Variants in TPX2 observed in about 807,000 individuals in gnomAD.
TPX2 encodes the protein TPX2 microtubule nucleation factor.
A neutral mutation model predicts 93.6 loss-of-function variants in TPX2; 21 were observed. That is an observed-to-expected ratio of 0.22 (90% CI 0.16 to 0.32). The LOEUF is 0.32. TPX2 is among the 10% of genes least tolerant of loss of function. TPX2 has a pLI of 1.00. For missense variants in TPX2, 776 were observed against 871.1 expected (o/e 0.89, Z 1.37); for synonymous variants, 281 against 298.3 (o/e 0.94, Z 0.60).
chr20:31,742,704 A>G (rs1195505833), intron 2 of TPX2, 57 bp downstream of exon 2: 1 of 152,254 alleles, frequency 6.6e-6, no homozygotes, highest in African/African-American at 2.4e-5. Context: ...ATAAGTGTTT[A>G]AATGACTAAT....
rs1032820048 is a variant in TPX2, at chr20:31,742,548, A to G, written c.-170A>G. 1 of 152,206 alleles carries G rather than the reference A, an allele frequency of 6.6e-6. No individual in the cohort carries two copies. The highest frequency in any genetic ancestry group is 1.5e-5 in the Non-Finnish European group (1 of 68,038). The allele number at this position is 152,206 out of a possible 1,614,324, so 9.4% of individuals were successfully genotyped here. ...CTTTTCTGCTTCTTCCAGGTTCTTG[A>G]TACATATTTGCCAGACTTCAAGATT... On this transcript the variant is annotated 5_prime_UTR_variant, in exon 2 of 18. Transcript: ENST00000300403.
intron 7 of TPX2, 117 bp from the exon 8 acceptor site, chr20:31,775,750 G>T: frequency 9.9e-7 from 1 of 1,013,284 alleles, no homozygotes; most frequent in Non-Finnish European, 1.3e-6. Context: ...GATATTTTTT[G>T]GTTTTGATGA....
intron 5 of TPX2, among the ~76,000 whole-genome samples, chr20:31,766,940 T>A (rs1383540996): frequency 1.3e-5 from 2 of 151,922 alleles, no homozygotes; most frequent in African/African-American, 4.8e-5. Flanking sequence ...TAGCTGGGAT[T>A]ATAGGCACCT....
At chr20:31,776,971 C>T (rs762363087) in intron 8 of TPX2, among the ~76,000 whole-genome samples, 11 of 152,146 alleles carry the variant, frequency 7.2e-5, no homozygotes, top group Non-Finnish European at 1.5e-4. Flanking sequence ...CAGTCAAATC[C>T]AATTCACCTG....
chr20:31,776,817 G>A (rs555816773), intron 8 of TPX2, among the ~76,000 whole-genome samples: 1 of 152,142 alleles, frequency 6.6e-6, no homozygotes, highest in East Asian at 1.9e-4. Context: ...ATGAGCCACC[G>A]TGCCTGGCTC....
intron 8 of TPX2, among the ~76,000 whole-genome samples, chr20:31,777,076 C>T (rs1341580273): frequency 6.6e-6 from 1 of 152,162 alleles, no homozygotes; most frequent in Non-Finnish European, 1.5e-5. Context: ...CTATAAAGTT[C>T]TCCTTACTGG....
Position 31,777,608 on chromosome 20 carries a change from A to T in TPX2, c.852A>T (p.Thr284=). 3 of 1,614,062 alleles carry T rather than the reference A, an allele frequency of 1.9e-6. No individual in the cohort carries two copies. Among genetic ancestry groups the T allele is most frequent in the Non-Finnish European group, 1.7e-6 (2 of 1,179,956 alleles). ...AGGAATATAAGGAAGTGAACTTTAC[A>T]TCTGAACTACGAAAGCATCCTTCAT... ...NQEEYKEVNF[T]SELRKHPSSP... The change falls in exon 9 of 18, where the codon ACA becomes ACT. Residue 284 remains threonine, a synonymous_variant. Transcript: ENST00000300403.
rs2062172343 is a variant in TPX2 at position 31,801,591 on chromosome 20, T to C, written c.*511T>C. On this transcript the variant is annotated 3_prime_UTR_variant, in exon 18 of 18. Transcript: ENST00000300403. Reference sequence around the variant, plus strand: ...GTGAATTTATAGTTAAGGATCCCTTTGCTGTGAGGGTAGAAAACCTCACCA... The same window carrying C: ...GTGAATTTATAGTTAAGGATCCCTTCGCTGTGAGGGTAGAAAACCTCACCA... 1 of 152,396 alleles carries C rather than the reference T, an allele frequency of 6.6e-6. No individual in the cohort carries two copies. The highest frequency in any genetic ancestry group is 2.1e-4 in the South Asian group (1 of 4,838). 9.4% of individuals were successfully genotyped at this position (152,396 alleles called of 1,614,324 possible). A position where few individuals can be genotyped will look rare whatever the true frequency, so the allele number is the denominator to read the frequency against.
Position 31,799,244 on chromosome 20 carries a change from T to C in TPX2, c.2133+692T>C, listed in dbSNP as rs545279420. Among the ~76,000 whole-genome samples the C allele has an allele frequency of 9.2e-5, 14 of 152,262 alleles. No homozygotes were observed. In the South Asian group the frequency reaches 2.7e-3, roughly 29 times the overall value. ...CAGCAAGTTGTGTTAACTGTGTTAA[T>C]GAAGAAGCAGACAGTTTTAGATGGA... On this transcript the variant is annotated intron_variant, in intron 17 of 17. Transcript: ENST00000300403.
chr20:31,748,802 T>A (rs1407566434), intron 2 of TPX2, among the ~76,000 whole-genome samples: 1 of 152,228 alleles, frequency 6.6e-6, no homozygotes, highest in East Asian at 1.9e-4. Context: ...TAAAGACATC[T>A]ATCTATTGTC....
At chr20:31,795,446 A>G (rs1480538973) in intron 15 of TPX2, among the ~76,000 whole-genome samples, 1 of 152,270 alleles carries the variant, frequency 6.6e-6, no homozygotes, top group East Asian at 1.9e-4. Flanking sequence ...CTCTTTAAAA[A>G]TGTAAAAACC....
At chr20:31,792,393 T>C (rs2062107664) in intron 12 of TPX2, among the ~76,000 whole-genome samples, 1 of 152,304 alleles carries the variant, frequency 6.6e-6, no homozygotes, top group African/African-American at 2.4e-5. Context: ...TTATGAGATG[T>C]AGAAAATTAA....
chr20:31,795,645 C>A (rs1014231418), intron 15 of TPX2, among the ~76,000 whole-genome samples: 3 of 152,210 alleles, frequency 2.0e-5, no homozygotes, highest in Non-Finnish European at 4.4e-5. Context: ...TCTATTCCAT[C>A]TATTAGACTC....
intron 2 of TPX2, among the ~76,000 whole-genome samples, chr20:31,751,342 C>G (rs2149282): frequency 0.63 from 96,324 of 151,758 alleles, 32,381 homozygotes; most frequent in African/African-American, 0.88. Flanking sequence ...CCTGGGAAGC[C>G]TTCCCAGTGA....
At chr20:31,748,948 T>C (rs2061801159) in intron 2 of TPX2, among the ~76,000 whole-genome samples, 1 of 144,700 alleles carries the variant, frequency 6.9e-6, no homozygotes, top group South Asian at 2.2e-4. Flanking sequence ...AAATGTGAAT[T>C]TTTTTTTTTT....
At position 31,770,228 on chromosome 20, in the gene TPX2, T is replaced by C. The variant is rs1300068837; in HGVS notation, c.357-115T>C. On this transcript the variant is annotated intron_variant, in intron 5 of 17. Coordinates refer to ENST00000300403, the MANE Select transcript of TPX2 (RefSeq NM_012112.5). Reference sequence around the variant, plus strand: ...GATTAGATTTTTAGAGCAGAGATAATAGCACTCCATTTTATTGCCCTTTGT... The same window carrying C: ...GATTAGATTTTTAGAGCAGAGATAACAGCACTCCATTTTATTGCCCTTTGT... The C allele has an allele frequency of 1.6e-5, 10 of 629,050 alleles. No individual in the cohort carries two copies. In the East Asian group the frequency reaches 1.8e-4, roughly 11 times the overall value. The allele number at this position is 629,050 out of a possible 1,614,324, so 39.0% of individuals were successfully genotyped here. A position where few individuals can be genotyped will look rare whatever the true frequency, so the allele number is the denominator to read the frequency against.
intron 3 of TPX2, among the ~76,000 whole-genome samples, chr20:31,758,786 T>C (rs1021751531): frequency 6.6e-6 from 1 of 152,108 alleles, no homozygotes; most frequent in Non-Finnish European, 1.5e-5. Flanking sequence ...GGTAAATAAA[T>C]ACAAGGGCCA....
At chr20:31,796,942 A>G (rs2123098847) in intron 15 of TPX2, among the ~76,000 whole-genome samples, 1 of 152,068 alleles carries the variant, frequency 6.6e-6, no homozygotes, top group East Asian at 1.9e-4. Context: ...TGATCAGGGT[A>G]ATTAGCATAT....
chr20:31,749,712 A>G (rs1291815293), intron 2 of TPX2, among the ~76,000 whole-genome samples: 1 of 151,830 alleles, frequency 6.6e-6, no homozygotes, highest in Non-Finnish European at 1.5e-5. Context: ...GGAGAATCAC[A>G]TGAACCCGTG....
Sources: gnomAD v4.1 joint callset for allele counts (sites outside exome capture counted in the v4.1 genomes callset) on GRCh38, gnomAD v4.1.1 for gene constraint, MANE v1.5 for transcripts, NCBI Gene and HGNC (gene_info 2026-07-23, HGNC 2026-07-21) for gene names.